The following GRM4 variants were observed in gnomAD, a reference collection of about 807,000 sequenced individuals.
The protein encoded by GRM4 is metabotropic glutamate receptor 4.
In GRM4, 28 loss-of-function variants were observed where a neutral mutation model predicts 81.7. The observed-to-expected ratio is 0.34, with a 90% CI of 0.25 to 0.47. The LOEUF is 0.47. GRM4 is among the 20% of genes least tolerant of loss of function. The pLI, the probability that GRM4 is intolerant of heterozygous loss-of-function variation, is 1.00. For missense variants in GRM4, 948 were observed against 1,290.0 expected (o/e 0.73, Z 4.06); for synonymous variants, 488 against 528.8 (o/e 0.92, Z 1.06).
chr6:34,045,653 A>G (rs563747337), intron 6 of GRM4, among the ~76,000 whole-genome samples: 79 of 152,274 alleles, frequency 5.2e-4, no homozygotes, highest in African/African-American at 1.8e-3. Context: ...AGGCCCAACC[A>G]GGGATTAAGG....
At chr6:34,073,184 TAC>T (rs1767093138) in intron 3 of GRM4, among the ~76,000 whole-genome samples, 1 of 4,536 alleles carries the variant, frequency 2.2e-4, no homozygotes, top group Non-Finnish European at 4.6e-4. Flanking sequence ...ACCACACAAA[TAC>T]ACATTACACA....
In GRM4 at chr6:34,092,200, C is replaced by G. The variant is rs1183320246; in HGVS notation, c.520-101G>C. On this transcript the variant is annotated intron_variant, in intron 2 of 10. Transcript: ENST00000538487. The surrounding 1 kb of genome is among the most constrained non-coding windows in gnomAD (Gnocchi z 6.8). ...CCAACCTCCCTTTGGTCCCCACAGCCTTGGGACCACCACAGCCCACCCCTC... is the reference window on the plus strand; with the variant it reads ...CCAACCTCCCTTTGGTCCCCACAGCGTTGGGACCACCACAGCCCACCCCTC... 1.4e-6 allele frequency: 1 copy of G among 739,396 alleles called. No individual in the cohort carries two copies. Among genetic ancestry groups the G allele is most frequent in the Non-Finnish European group, 2.2e-6 (1 of 446,414 alleles). The allele number at this position is 739,396 out of a possible 1,614,324, so 45.8% of individuals were successfully genotyped here. A position where few individuals can be genotyped will look rare whatever the true frequency, so the allele number is the denominator to read the frequency against.
chr6:34,097,936 CTGTTAAAAGCACCTTTGCCTT>C (rs1278257962), intron 2 of GRM4, among the ~76,000 whole-genome samples: 58 of 152,346 alleles, frequency 3.8e-4, no homozygotes, highest in African/African-American at 1.2e-3. Context: ...GTGACCTTTT[CTGTTAAAAGCACCTTTGCCTT>C]TCCTCCTCTG....
chr6:34,056,564 C>T lies in GRM4; in HGVS notation c.1148G>A (p.Ser383Asn). ...KLSRHALKKG[S>N]HVKKCTNRER... ...CTCACTGGTGCACTTCTTGACGTGG[C>T]TGCCCTTCTTGAGGGCGTGGCGGCT... The change falls in exon 6 of 11, where the codon AGC (serine) becomes AAC (asparagine). Residue 383 changes from serine to asparagine, a missense_variant. Ser to Asn is a conservative substitution (Grantham distance 46, BLOSUM62 1). Transcript: ENST00000538487. 3 of 1,613,302 alleles carry T rather than the reference C, an allele frequency of 1.9e-6. No individual in the cohort carries two copies. The highest frequency in any genetic ancestry group is 2.5e-6 in the Non-Finnish European group (3 of 1,179,856).
Position 34,115,249 on chromosome 6 carries a change from C to CGTGT in GRM4, c.519+17725_519+17728dup, listed in dbSNP as rs36116680. ...GCATGTGTGCGTGCGTGCGTGTATG[C>CGTGT]GTGTGTGTGTGTGTGCATGCGTGTG... On this transcript the variant is annotated intron_variant, in intron 2 of 10. Coordinates refer to ENST00000538487, the MANE Select transcript of GRM4 (RefSeq NM_000841.4). The surrounding 1 kb of genome is among the most constrained non-coding windows in gnomAD (Gnocchi z 4.1). 2.9e-3 allele frequency among the ~76,000 whole-genome samples: 438 copies of CGTGT among 151,358 alleles called. 2 individuals carry two copies. Among genetic ancestry groups the CGTGT allele is most frequent in the East Asian group, 0.011 (55 of 5,166 alleles).
intron 10 of GRM4, among the ~76,000 whole-genome samples, chr6:34,023,792 C>T (rs1425570878): frequency 1.3e-5 from 2 of 152,168 alleles, no homozygotes; most frequent in Non-Finnish European, 2.9e-5. Context: ...TGAAGCATTG[C>T]CCAACTTGAC....
In GRM4 at chr6:34,133,186, C is replaced by A. The variant is rs1006772500; in HGVS notation, c.311G>T (p.Arg104Leu). 6.2e-7 allele frequency: 1 copy of A among 1,613,584 alleles called. No individual in the cohort carries two copies. Among genetic ancestry groups the A allele is most frequent in the Non-Finnish European group, 8.5e-7 (1 of 1,179,724 alleles). Residue 104 changes from arginine (R) to leucine (L), a missense_variant, in exon 2 of 11, where the codon CGC becomes CTC. Transcript: ENST00000538487. This position sits in a 1 kb window ranked among gnomAD's most constrained non-coding sequence, Gnocchi z 6.5. ...DLLPNITLGA[R>L]ILDTCSRDTH... ...GTCCCTGGAGCAGGTGTCCAGAATG[C>A]GGGCGCCCAGCGTGATGTTAGGCAG...
At chr6:34,154,590 TACACACACACACACACACAC>T (rs57603011) in intron 1 of GRM4, among the ~76,000 whole-genome samples, 3 of 144,998 alleles carry the variant, frequency 2.1e-5, no homozygotes, top group Non-Finnish European at 3.0e-5. Flanking sequence ...TGGTCCTGAC[TACACACACACACACACACAC>T]ACACACACAC....
At chr6:34,072,658 CATAG>C (rs1767001593) in intron 3 of GRM4, among the ~76,000 whole-genome samples, 2 of 146,966 alleles carry the variant, frequency 1.4e-5, no homozygotes, top group African/African-American at 5.1e-5. Flanking sequence ...CACATCACCA[CATAG>C]ATACACACCA....
Position 34,132,988 on chromosome 6 carries a change from C to A in GRM4, c.509G>T (p.Arg170Leu), listed in dbSNP as rs375789000. Reference sequence around the variant, plus strand: ...AACCAAGGCACTGACCTTGAAGAGGCGAAGGATGTTGGCCACCATGATGGA... The same window carrying A: ...AACCAAGGCACTGACCTTGAAGAGGAGAAGGATGTTGGCCACCATGATGGA... Reference protein sequence around the residue: ...SVSIMVANILRLFKIPQISYA... With the variant: ...SVSIMVANILLLFKIPQISYA... The change falls in exon 2 of 11, where the codon CGC becomes CTC. Residue 170 changes from arginine (R) to leucine (L), a missense_variant. Coordinates refer to ENST00000538487, the MANE Select transcript of GRM4 (RefSeq NM_000841.4). 1.2e-6 allele frequency: 2 copies of A among 1,600,424 alleles called. No homozygotes were observed. The highest frequency in any genetic ancestry group is 1.7e-6 in the Non-Finnish European group (2 of 1,172,216).
chr6:34,152,872 G>A lies in GRM4; in HGVS notation c.312+2207C>T, dbSNP rs535438396. 2.2e-4 allele frequency among the ~76,000 whole-genome samples: 33 copies of A among 152,278 alleles called. No homozygotes were observed. The Middle Eastern group carries it at 0.014, about 63-fold the overall frequency. ...GTGGGAGGGTGGCTGGGGATGGGAA[G>A]GTGGGGCATCTCAGGAGGGCCAGGG... On this transcript the variant is annotated intron_variant, in intron 1 of 8. Coordinates refer to the GRM4 transcript ENST00000374177. The surrounding 1 kb of genome is among the most constrained non-coding windows in gnomAD (Gnocchi z 4.1).
chr6:34,073,720 T>C (rs933407725), intron 3 of GRM4, among the ~76,000 whole-genome samples: 1 of 151,958 alleles, frequency 6.6e-6, no homozygotes, highest in East Asian at 1.9e-4. Flanking sequence ...CCAGCCCATC[T>C]CTTCTTAACT....
chr6:34,147,954 T>C (rs1581745459), upstream of GRM4, among the ~76,000 whole-genome samples: 1 of 152,052 alleles, frequency 6.6e-6, no homozygotes, highest in Non-Finnish European at 1.5e-5. Flanking sequence ...GAAGATAACA[T>C]GGGCCATGGT....
In GRM4 at chr6:34,121,351, G is replaced by A. The variant is rs948897593; in HGVS notation, c.519+11627C>T. ...TGACAGCTTCCAGAGCCTGAGCTGG[G>A]AAGGAGAGAGAAGACTGCACTGAAC... On this transcript the variant is annotated intron_variant, in intron 2 of 10. Transcript: ENST00000538487. The surrounding 1 kb of genome is among the most constrained non-coding windows in gnomAD (Gnocchi z 4.6). Among the ~76,000 whole-genome samples, 4 of 152,180 alleles carry A rather than the reference G, an allele frequency of 2.6e-5. No individual in the cohort carries two copies. The highest frequency in any genetic ancestry group is 9.7e-5 in the African/African-American group (4 of 41,444).
chr6:34,141,544 T>C (rs777103222), intron 1 of GRM4, among the ~76,000 whole-genome samples: 1 of 152,196 alleles, frequency 6.6e-6, no homozygotes, highest in East Asian at 1.9e-4. Context: ...AATGGTGAGG[T>C]TAATAATAAA....
intron 8 of GRM4, among the ~76,000 whole-genome samples, chr6:34,038,594 G>C (rs187312500): frequency 6.6e-6 from 1 of 152,326 alleles, no homozygotes; most frequent in Admixed American, 6.5e-5. Context: ...TACCTTGCTT[G>C]CTCTGTGGCC....
Position 34,083,156 on chromosome 6 carries a change from C to T in GRM4, c.736+8727G>A, listed in dbSNP as rs771028801. Among the ~76,000 whole-genome samples, 7 of 152,250 alleles carry T rather than the reference C, an allele frequency of 4.6e-5. No individual in the cohort carries two copies. The South Asian group carries it at 1.2e-3, about 27-fold the overall frequency. ...CATCAAGCTCAGAGGCGAATGCAGA[C>T]GGGAGCATGTCCCCGTCTGGACGAG... On this transcript the variant is annotated intron_variant, in intron 3 of 10. Transcript: ENST00000538487.
At chr6:34,144,829 C>CA (rs1770856907) in intron 1 of GRM4, among the ~76,000 whole-genome samples, 2 of 152,242 alleles carry the variant, frequency 1.3e-5, no homozygotes, top group Admixed American at 6.5e-5. Flanking sequence ...ACCGGGCCCG[C>CA]AAAAAAGCCT....
At position 34,074,320 on chromosome 6, in the gene GRM4, A is replaced by G. The variant is rs1767196108; in HGVS notation, c.737-12292T>C. Among the ~76,000 whole-genome samples the G allele has an allele frequency of 6.6e-6, 1 of 152,226 alleles. No individual in the cohort carries two copies. Among genetic ancestry groups the G allele is most frequent in the Non-Finnish European group, 1.5e-5 (1 of 68,034 alleles). ...ATGGTATGAACCCTGTCCCCGAGAC[A>G]TAGCAGGGTTGCGGTGAGGATTAGA... On this transcript the variant is annotated intron_variant, in intron 3 of 10. Coordinates refer to ENST00000538487, the MANE Select transcript of GRM4 (RefSeq NM_000841.4). The surrounding 1 kb of genome is among the most constrained non-coding windows in gnomAD (Gnocchi z 4.9).
Sources: allele counts gnomAD v4.1 joint callset (sites outside exome capture counted in the v4.1 genomes callset), GRCh38; gene constraint gnomAD v4.1.1; non-coding constraint Gnocchi (gnomAD v3.1); transcripts MANE v1.5; gene names NCBI Gene and HGNC (gene_info 2026-07-23, HGNC 2026-07-21).